Variants in HECW1 observed in about 807,000 individuals in gnomAD.
The protein encoded by HECW1 is E3 ubiquitin-protein ligase HECW1.
A neutral mutation model predicts 182.3 loss-of-function variants in HECW1; 61 were observed. That is an observed-to-expected ratio of 0.33 (90% CI 0.27 to 0.41). HECW1 has a LOEUF of 0.41. Ranked by LOEUF, HECW1 falls within the 10% of genes least tolerant of loss-of-function variation. The pLI, the probability that HECW1 is intolerant of heterozygous loss-of-function variation, is 1.00. For missense variants in HECW1, 1,739 were observed against 2,108.9 expected, an observed-to-expected ratio of 0.82 and a Z score of 3.44; for synonymous variants, 859 against 832.6, an observed-to-expected ratio of 1.03 and a Z score of -0.55.
intron 3 of HECW1, among the ~76,000 whole-genome samples, chr7:43,266,361 A>G (rs1399038266): frequency 6.6e-6 from 1 of 152,100 alleles, no homozygotes; most frequent in Non-Finnish European, 1.5e-5. Context: ...TTTGAGACAG[A>G]GTCTCACTCT....
At chr7:43,379,684 G>C (rs1312681965) in intron 6 of HECW1, among the ~76,000 whole-genome samples, 1 of 151,956 alleles carries the variant, frequency 6.6e-6, no homozygotes, top group Non-Finnish European at 1.5e-5. Context: ...TGCACTTCAG[G>C]TTTCTCTGCT....
At chr7:43,226,915 G>T (rs1274673349) in intron 2 of HECW1, among the ~76,000 whole-genome samples, 1 of 152,226 alleles carries the variant, frequency 6.6e-6, no homozygotes, top group Non-Finnish European at 1.5e-5. Flanking sequence ...GCCATCTCCA[G>T]CCGTCCAAAA....
chr7:43,389,026 C>T (rs182016592), intron 6 of HECW1, among the ~76,000 whole-genome samples: 43 of 152,286 alleles, frequency 2.8e-4, no homozygotes, highest in African/African-American at 1.0e-3. Context: ...TGCAAAGAAG[C>T]AGGTCATTGT....
chr7:43,282,269 G>T (rs1242624684), intron 3 of HECW1, among the ~76,000 whole-genome samples: 2 of 152,234 alleles, frequency 1.3e-5, no homozygotes, highest in Non-Finnish European at 2.9e-5. Context: ...CAGGAGGAAA[G>T]GCAGGTGGCA....
intron 2 of HECW1, among the ~76,000 whole-genome samples, chr7:43,229,866 A>G (rs1401112354): frequency 6.6e-6 from 1 of 152,246 alleles, no homozygotes. Context: ...TCATCAGTGC[A>G]GCTTGTATTG....
chr7:43,206,443 TCAAA>T lies in HECW1; in HGVS notation c.-31-37429_-31-37426del, dbSNP rs1583967580. Among the ~76,000 whole-genome samples, 3 of 152,226 alleles carry T rather than the reference TCAAA, an allele frequency of 2.0e-5. No individual in the cohort carries two copies. The East Asian group carries it at 5.8e-4, about 29-fold the overall frequency. On this transcript the variant is annotated intron_variant, in intron 2 of 29. Transcript: ENST00000395891. ...TTTGTCTCTTCTGCTCTCTATTGGA[TCAAA>T]CATATTTTGTTTTATAGCTTTCTTT...
chr7:43,565,213 T>G lies in HECW1; in HGVS notation c.*3287T>G, dbSNP rs996542715. Reference sequence around the variant, plus strand: ...ACTGAACTCTTTGTAATTTCCTATGTATATAAATGAGTGGAGGTTGTGAAG... The same window carrying G: ...ACTGAACTCTTTGTAATTTCCTATGGATATAAATGAGTGGAGGTTGTGAAG... On this transcript the variant is annotated 3_prime_UTR_variant, in exon 30 of 30. Transcript: ENST00000395891. 9.9e-6 allele frequency: 2 copies of G among 202,394 alleles called. No homozygotes were observed. Among genetic ancestry groups the G allele is most frequent in the Non-Finnish European group, 2.0e-5 (2 of 98,510 alleles). The allele number at this position is 202,394 out of a possible 1,614,324, so 12.5% of individuals were successfully genotyped here. A position where few individuals can be genotyped will look rare whatever the true frequency, so the allele number is the denominator to read the frequency against.
At chr7:43,275,135 A>G (rs999430027) in intron 3 of HECW1, among the ~76,000 whole-genome samples, 4 of 152,238 alleles carry the variant, frequency 2.6e-5, no homozygotes, top group African/African-American at 9.6e-5. Context: ...GCAGCATTAT[A>G]TATATATTTA....
intron 3 of HECW1, among the ~76,000 whole-genome samples, chr7:43,281,681 C>CTCTT (rs1317155167): frequency 6.6e-6 from 1 of 150,992 alleles, no homozygotes; most frequent in African/African-American, 2.4e-5. Flanking sequence ...TTAGATCCTC[C>CTCTT]TCTTTCTTTT....
intron 2 of HECW1, among the ~76,000 whole-genome samples, chr7:43,150,561 T>C (rs1421823890): frequency 6.6e-6 from 1 of 152,126 alleles, no homozygotes; most frequent in African/African-American, 2.4e-5. Flanking sequence ...GTATTTTCAG[T>C]AAAGATGGGG....
chr7:43,361,846 T>TA (rs76445158), intron 6 of HECW1, among the ~76,000 whole-genome samples: 93 of 86,216 alleles, frequency 1.1e-3, no homozygotes, highest in Non-Finnish European at 1.4e-3. Context: ...TTTTTTACAT[T>TA]AAAAAAAAAA....
intron 8 of HECW1, among the ~76,000 whole-genome samples, chr7:43,408,520 C>CA (rs749031292): frequency 0.041 from 5,532 of 135,778 alleles, 275 homozygotes; most frequent in African/African-American, 0.12. Flanking sequence ...CCATCTCCAC[C>CA]AAAAAAAAAA....
At chr7:43,448,689 T>C (rs893173978) in intron 11 of HECW1, among the ~76,000 whole-genome samples, 1 of 152,244 alleles carries the variant, frequency 6.6e-6, no homozygotes, top group African/African-American at 2.4e-5. Context: ...TTTCCTGTAC[T>C]TTATAATTCA....
chr7:43,547,200 A>G lies in HECW1; in HGVS notation c.4249-3245A>G, dbSNP rs576849529. Among the ~76,000 whole-genome samples, 13 of 152,252 alleles carry G rather than the reference A, an allele frequency of 8.5e-5. No homozygotes were observed. The South Asian group carries it at 2.7e-3, about 32-fold the overall frequency. Reference sequence around the variant, plus strand: ...ATGACTTTGCTTTATCTAGAATCATATTAGAGTCTACAGGTATGTATGCCA... The same window carrying G: ...ATGACTTTGCTTTATCTAGAATCATGTTAGAGTCTACAGGTATGTATGCCA... On this transcript the variant is annotated intron_variant, in intron 26 of 29. Transcript: ENST00000395891.
intron 26 of HECW1, among the ~76,000 whole-genome samples, chr7:43,546,042 T>C (rs1397561647): frequency 2.0e-5 from 3 of 151,854 alleles, no homozygotes; most frequent in Non-Finnish European, 4.4e-5. Flanking sequence ...CCAGATTGTC[T>C]AACATCGATT....
rs192700936 is a variant in HECW1, at chr7:43,496,338, G to A, written c.3437+3158G>A. Among the ~76,000 whole-genome samples the A allele has an allele frequency of 2.9e-3, 444 of 151,934 alleles. 5 individuals are homozygous for A. The highest frequency in any genetic ancestry group is 3.0e-3 in the Non-Finnish European group (203 of 67,976). ...AGTTAATGGACCCTAAGGAAACTGT[G>A]GACCCAGGTTGAGAACCCAAATATT... On this transcript the variant is annotated intron_variant, in intron 19 of 29. Coordinates refer to ENST00000395891, the MANE Select transcript of HECW1 (RefSeq NM_015052.5).
At chr7:43,462,965 G>A (rs2077639754) in intron 13 of HECW1, among the ~76,000 whole-genome samples, 1 of 152,086 alleles carries the variant, frequency 6.6e-6, no homozygotes, top group South Asian at 2.1e-4. Context: ...TTTCCCTTTT[G>A]TTACATCTCG....
At chr7:43,238,878 G>C (rs1007672215) in intron 2 of HECW1, among the ~76,000 whole-genome samples, 1 of 152,252 alleles carries the variant, frequency 6.6e-6, no homozygotes, top group South Asian at 2.1e-4. Context: ...GACAGGAAAT[G>C]ATGCTATTAG....
intron 3 of HECW1, among the ~76,000 whole-genome samples, chr7:43,281,497 A>T (rs1343677849): frequency 6.6e-6 from 1 of 152,186 alleles, no homozygotes; most frequent in East Asian, 1.9e-4. Context: ...ATATCACAAT[A>T]GCAAGGGGAG....
Sources: allele counts gnomAD v4.1 joint callset (sites outside exome capture counted in the v4.1 genomes callset), GRCh38; gene constraint gnomAD v4.1.1; transcripts MANE v1.5; gene names NCBI Gene and HGNC (gene_info 2026-07-23, HGNC 2026-07-21).